COL4A4: variants seen among roughly 807,000 people sequenced by gnomAD.
COL4A4 encodes the protein collagen type IV alpha 4 chain.
Under a neutral mutation model 192.9 loss-of-function variants are expected in COL4A4, and 105 were observed. The observed-to-expected ratio is 0.54, with a 90% CI of 0.46 to 0.64. The LOEUF (loss-of-function observed/expected upper bound fraction) is 0.64, where lower values mean the gene tolerates loss of function less well. Among genes scored for constraint, COL4A4 ranks in the 30% least tolerant of loss-of-function variants. The probability of loss-of-function intolerance (pLI) is 0.00; values close to 1 mark genes in which losing one functional copy is unlikely to be tolerated. For missense variants in COL4A4, 1,967 were observed against 2,169.3 expected (o/e 0.91, Z 1.85); for synonymous variants, 762 against 769.9 (o/e 0.99, Z 0.17).
intron 22 of COL4A4, among the ~76,000 whole-genome samples, chr2:227,084,714 C>T (rs1398992515): frequency 6.6e-6 from 1 of 152,142 alleles, no homozygotes; most frequent in Non-Finnish European, 1.5e-5. Flanking sequence ...AATGTGTAAC[C>T]TAAGCGATTC....
intron 2 of COL4A4, among the ~76,000 whole-genome samples, chr2:227,146,342 G>A (rs980397210): frequency 2.1e-5 from 3 of 144,410 alleles, no homozygotes; most frequent in South Asian, 2.2e-4. Flanking sequence ...TTTCTTCCAC[G>A]TCCACCCCAA....
rs1179125792 is a variant in COL4A4, at chr2:227,014,892, C to CTTTTTT, written c.4217-2601_4217-2596dup. 1.1e-3 allele frequency among the ~76,000 whole-genome samples: 119 copies of CTTTTTT among 106,588 alleles called. 2 individuals carry two copies. Among genetic ancestry groups the CTTTTTT allele is most frequent in the African/African-American group, 4.3e-3 (112 of 26,210 alleles). The allele number at this position is 106,588 out of a possible 152,430, so 69.9% of individuals were successfully genotyped here. On this transcript the variant is annotated intron_variant, in intron 44 of 47. Transcript: ENST00000396625. ...TACAGGCACGGGCCACCATGCCTGG[C>CTTTTTT]TTTTTTTTTTTTTTTTTTTTTTCTG... is the stretch of plus-strand genomic sequence containing the variant.
At chr2:227,143,045 T>C (rs1265469666) in intron 3 of COL4A4, among the ~76,000 whole-genome samples, 3 of 152,088 alleles carry the variant, frequency 2.0e-5, no homozygotes, top group Non-Finnish European at 4.4e-5. Flanking sequence ...GATGAGCACA[T>C]GGGCACACAG....
Position 227,121,003 on chromosome 2 carries a change from A to G in COL4A4, c.327+11T>C. The G allele has an allele frequency of 6.2e-7, 1 of 1,613,952 alleles. No homozygotes were observed. On this transcript the variant is annotated intron_variant, in intron 5 of 47. Coordinates refer to ENST00000396625, the MANE Select transcript of COL4A4 (RefSeq NM_000092.5). ...TCTTTCATGTGAATCTCCACATAAG[A>G]TGTGGCTTACCTTATCTCCTTTGTC...
At chr2:227,041,848 GAGAAAGAAAGAAAGAAAGAA>G (rs71036154) in intron 37 of COL4A4, among the ~76,000 whole-genome samples, 49 of 38,688 alleles carry the variant, frequency 1.3e-3, no homozygotes, top group Non-Finnish European at 1.8e-3. Context: ...AAGAAAGAAA[GAGAAAGAAAGAAAGAAAGAA>G]AGAAAGAAAG....
chr2:226,997,851 A>G (rs1328465021), downstream of COL4A4: 1 of 152,222 alleles, frequency 6.6e-6, no homozygotes, highest in African/African-American at 2.4e-5. Context: ...TATTATAATT[A>G]TTTTAGTTAA....
intron 36 of COL4A4, 50 bp downstream of exon 36, chr2:227,043,027 T>C: frequency 7.4e-7 from 1 of 1,342,450 alleles, no homozygotes; most frequent in South Asian, 1.2e-5. Context: ...TCTGAAACAC[T>C]CTGAGACACA....
At chr2:227,092,143 T>C (rs934601564) in intron 20 of COL4A4, among the ~76,000 whole-genome samples, 1 of 152,162 alleles carries the variant, frequency 6.6e-6, no homozygotes, top group African/African-American at 2.4e-5. Flanking sequence ...CTAAATGTTA[T>C]GAGTTCTCAG....
intron 30 of COL4A4, 123 bp downstream of exon 30, chr2:227,055,822 A>T: frequency 1.2e-6 from 1 of 862,736 alleles, no homozygotes; most frequent in Non-Finnish European, 1.9e-6. Context: ...AGGCATCATT[A>T]AGGGAAGGAC....
In COL4A4 at chr2:227,043,282, TTTTTAG is replaced by T. The variant is rs1971820289; in HGVS notation, c.3290-104_3290-99del. On this transcript the variant is annotated intron_variant, in intron 35 of 47. Transcript: ENST00000396625. Reference sequence around the variant, plus strand: ...CACCCTATTCTTTTCTATCCTTACTTTTTTAGTTTTAAATAGTTTCTATTGGAAAGG... The same window carrying T: ...CACCCTATTCTTTTCTATCCTTACTTTTTTAAATAGTTTCTATTGGAAAGG... 2.9e-6 allele frequency: 3 copies of T among 1,022,308 alleles called. No individual in the cohort carries two copies. In the Admixed American group the frequency reaches 5.5e-5, roughly 19 times the overall value. The allele number at this position is 1,022,308 out of a possible 1,614,324, so 63.3% of individuals were successfully genotyped here.
At chr2:227,127,641 G>A (rs1215158838) in intron 4 of COL4A4, among the ~76,000 whole-genome samples, 1 of 152,186 alleles carries the variant, frequency 6.6e-6, no homozygotes, top group African/African-American at 2.4e-5. Flanking sequence ...CTTCAAGTCA[G>A]CCTTTTTGGC....
At chr2:227,029,020 C>T (rs1375789311) in intron 41 of COL4A4, among the ~76,000 whole-genome samples, 1 of 152,136 alleles carries the variant, frequency 6.6e-6, no homozygotes, top group Non-Finnish European at 1.5e-5. Flanking sequence ...TATATTCCTG[C>T]AGGTGCCTAA....
Position 227,158,307 on chromosome 2 carries a change from A to G in COL4A4, c.-102+5700T>C, listed in dbSNP as rs189514864. On this transcript the variant is annotated intron_variant, in intron 1 of 47. Coordinates refer to ENST00000396625, the MANE Select transcript of COL4A4 (RefSeq NM_000092.5). ...TTCACATGGAAAAAAAATTTAATGA[A>G]TCCTTATCTCATACCATACCCAGAA... Among the ~76,000 whole-genome samples the G allele has an allele frequency of 1.5e-3, 224 of 152,256 alleles. 2 individuals carry two copies. The highest frequency in any genetic ancestry group is 1.5e-3 in the Non-Finnish European group (104 of 67,976).
At chr2:227,028,948 C>T (rs945810614) in intron 41 of COL4A4, among the ~76,000 whole-genome samples, 11 of 152,174 alleles carry the variant, frequency 7.2e-5, no homozygotes, top group African/African-American at 2.4e-4. Flanking sequence ...GCATGAACCA[C>T]TGAGTCAAGC....
At chr2:227,082,044 A>G (rs2059353079) in intron 23 of COL4A4, 71 bp downstream of exon 23, 1 of 1,265,466 alleles carries the variant, frequency 7.9e-7, no homozygotes, top group Non-Finnish European at 1.2e-6. Context: ...TCACAGGGGA[A>G]ATTACTGCAA....
At chr2:227,072,229 A>C (rs1334579192) in intron 25 of COL4A4, among the ~76,000 whole-genome samples, 1 of 151,992 alleles carries the variant, frequency 6.6e-6, no homozygotes, top group African/African-American at 2.4e-5. Flanking sequence ...CATTACAACC[A>C]ACACCACAGA....
intron 2 of COL4A4, among the ~76,000 whole-genome samples, chr2:227,145,000 G>T (rs2063454728): frequency 6.6e-6 from 1 of 152,150 alleles, no homozygotes; most frequent in Non-Finnish European, 1.5e-5. Flanking sequence ...AAACCTAACT[G>T]GACTGGGAGG....
At chr2:227,009,522 A>C (rs1963056849) in intron 46 of COL4A4, among the ~76,000 whole-genome samples, 1 of 151,982 alleles carries the variant, frequency 6.6e-6, no homozygotes, top group Admixed American at 6.6e-5. Context: ...TGGCCGCAAG[A>C]CCCCAGCTCT....
chr2:226,971,045 TTAATTAAA>T, the COL4A4 span, among the ~76,000 whole-genome samples: 4 of 152,346 alleles, frequency 2.6e-5, no homozygotes, highest in African/African-American at 7.2e-5. Context: ...TCGTAGACAC[TTAATTAAA>T]TGTTTACTAC....
Sources: allele counts gnomAD v4.1 joint callset (sites outside exome capture counted in the v4.1 genomes callset), GRCh38; gene constraint gnomAD v4.1.1; transcripts MANE v1.5; gene names NCBI Gene and HGNC (gene_info 2026-07-23, HGNC 2026-07-21).